The following LYPD6 variants were observed in gnomAD, a reference collection of about 807,000 sequenced individuals.
The protein encoded by LYPD6 is LY6/PLAUR domain containing 6, also known as ly6/PLAUR domain-containing protein 6.
LYPD6 carries 15 observed loss-of-function variants against 22.7 expected under a neutral mutation model. The observed-to-expected ratio is 0.66, with a 90% CI of 0.44 to 1.02. The LOEUF (loss-of-function observed/expected upper bound fraction) is 1.02, where lower values mean the gene tolerates loss of function less well. Among genes scored for constraint, LYPD6 ranks in the 50% least tolerant of loss-of-function variants. The probability of loss-of-function intolerance (pLI) is 0.00; values close to 1 mark genes in which losing one functional copy is unlikely to be tolerated. For synonymous variants in LYPD6, 72 were observed against 77.5 expected (o/e 0.93, Z 0.37); for missense variants, 189 against 208.4 (o/e 0.91, Z 0.57).
At chr2:149,353,770 T>TA (rs55884409) in intron 1 of LYPD6, among the ~76,000 whole-genome samples, 77 of 148,154 alleles carry the variant, frequency 5.2e-4, no homozygotes, top group African/African-American at 6.9e-4. Flanking sequence ...ATGTGCTCAT[T>TA]AAAAAAAAAA....
chr2:149,478,366 TGG>T (rs964626475), downstream of LYPD6, among the ~76,000 whole-genome samples: 3 of 130,000 alleles, frequency 2.3e-5, no homozygotes, highest in African/African-American at 6.2e-5. Context: ...ATTCACCCTT[TGG>T]TATATAGAGG....
At chr2:149,458,136 C>G (rs569692155) in intron 3 of LYPD6, among the ~76,000 whole-genome samples, 1 of 152,304 alleles carries the variant, frequency 6.6e-6, no homozygotes, top group South Asian at 2.1e-4. Flanking sequence ...TGACTTCATC[C>G]TCAATAGGCT....
At chr2:149,340,533 GC>G (rs1681140038) in intron 1 of LYPD6, among the ~76,000 whole-genome samples, 1 of 152,252 alleles carries the variant, frequency 6.6e-6, no homozygotes, top group Non-Finnish European at 1.5e-5. Context: ...TCCACCAGTT[GC>G]TACCTGTGTG....
chr2:149,339,788 G>A (rs938128698), intron 1 of LYPD6, among the ~76,000 whole-genome samples: 10 of 152,190 alleles, frequency 6.6e-5, no homozygotes, highest in African/African-American at 2.4e-4. Flanking sequence ...ACAAGAGGAT[G>A]CAAAGTAAAA....
chr2:149,462,398 A>G (rs976726751), intron 3 of LYPD6, among the ~76,000 whole-genome samples: 2 of 151,942 alleles, frequency 1.3e-5, no homozygotes, highest in Non-Finnish European at 2.9e-5. Flanking sequence ...GAAAATTATG[A>G]AACGTCAATG....
chr2:149,381,558 A>G (rs894962377), intron 1 of LYPD6, among the ~76,000 whole-genome samples: 1 of 152,220 alleles, frequency 6.6e-6, no homozygotes, highest in African/African-American at 2.4e-5. Flanking sequence ...GGTCACCAAC[A>G]AAGAGTGATG....
At chr2:149,478,184 C>T (rs73966841), downstream of LYPD6, among the ~76,000 whole-genome samples, 1 of 152,106 alleles carries the variant, frequency 6.6e-6, no homozygotes, top group Non-Finnish European at 1.5e-5. Flanking sequence ...ATTTTAAAGA[C>T]AGTGGGACAG....
intron 1 of LYPD6, chr2:149,368,174 T>G (rs1681722827): frequency 6.6e-6 from 1 of 152,208 alleles, no homozygotes; most frequent in Non-Finnish European, 1.5e-5. Context: ...GTATTAGACA[T>G]CACTCAAGGA....
chr2:149,410,448 T>G (rs943593897), intron 1 of LYPD6, among the ~76,000 whole-genome samples: 5 of 152,180 alleles, frequency 3.3e-5, no homozygotes, highest in African/African-American at 1.2e-4. Context: ...TTAGAAATGG[T>G]GGTCTCAGAC....
At position 149,337,027 on chromosome 2, in the gene LYPD6, C is replaced by T. The variant is rs75317573; in HGVS notation, c.-72+6305C>T. On this transcript the variant is annotated intron_variant, in intron 1 of 4. Transcript: ENST00000334166. ...AGAACTAGGAAATGTAAAAAGATTTCGTTTTTACATTCAATGGATTTTACA... is the reference window on the plus strand; with the variant it reads ...AGAACTAGGAAATGTAAAAAGATTTTGTTTTTACATTCAATGGATTTTACA... 3.7e-3 allele frequency among the ~76,000 whole-genome samples: 561 copies of T among 151,388 alleles called. 6 individuals carry two copies. Among genetic ancestry groups the T allele is most frequent in the African/African-American group, 0.013 (530 of 41,260 alleles).
downstream of LYPD6, among the ~76,000 whole-genome samples, chr2:149,478,376 AG>A (rs1443216416): frequency 2.7e-5 from 2 of 73,402 alleles, no homozygotes; most frequent in African/African-American, 6.7e-5. Context: ...TGGTATATAG[AG>A]GTGTGTGTGT....
intron 3 of LYPD6, among the ~76,000 whole-genome samples, chr2:149,458,046 T>C (rs560830310): frequency 3.3e-4 from 50 of 152,292 alleles, no homozygotes; most frequent in Non-Finnish European, 6.8e-4. Flanking sequence ...TTTTAGACAA[T>C]AGCTGCTCTA....
chr2:149,412,515 A>G (rs1036989260), intron 1 of LYPD6, among the ~76,000 whole-genome samples: 5 of 152,000 alleles, frequency 3.3e-5, no homozygotes, highest in Non-Finnish European at 1.5e-5. Flanking sequence ...ATTCTACTCT[A>G]GAGTTCTCGA....
At chr2:149,347,689 A>C (rs1014617151) in intron 1 of LYPD6, among the ~76,000 whole-genome samples, 1 of 152,116 alleles carries the variant, frequency 6.6e-6, no homozygotes, top group Non-Finnish European at 1.5e-5. Flanking sequence ...TTAAGAAACT[A>C]TCTCTTATTG....
At chr2:149,415,376 C>T (rs1033264679) in intron 1 of LYPD6, among the ~76,000 whole-genome samples, 6 of 152,060 alleles carry the variant, frequency 3.9e-5, no homozygotes, top group African/African-American at 1.5e-4. Flanking sequence ...AGGAGGATGG[C>T]TCTTTAGTGT....
At chr2:149,444,583 A>T (rs969998139) in intron 2 of LYPD6, among the ~76,000 whole-genome samples, 1 of 152,180 alleles carries the variant, frequency 6.6e-6, no homozygotes, top group African/African-American at 2.4e-5. Flanking sequence ...ATGATGTTCT[A>T]AATCCTTTTT....
At chr2:149,347,060 C>T (rs569988896) in intron 1 of LYPD6, among the ~76,000 whole-genome samples, 28 of 152,180 alleles carry the variant, frequency 1.8e-4, no homozygotes, top group African/African-American at 6.7e-4. Flanking sequence ...AAGGTGCTGG[C>T]AGGTCTGGTG....
chr2:149,346,687 T>C (rs1437401902), intron 1 of LYPD6, among the ~76,000 whole-genome samples: 1 of 152,142 alleles, frequency 6.6e-6, no homozygotes, highest in Non-Finnish European at 1.5e-5. Flanking sequence ...TAAGTCTCTG[T>C]TATTAAAAAC....
chr2:149,402,755 G>A (rs1237850503), intron 1 of LYPD6, among the ~76,000 whole-genome samples: 1 of 151,460 alleles, frequency 6.6e-6, no homozygotes, highest in Non-Finnish European at 1.5e-5. Flanking sequence ...TATACTTTAA[G>A]TTTTAGGGTA....
Sources: gnomAD v4.1 joint callset for allele counts (sites outside exome capture counted in the v4.1 genomes callset) on GRCh38, gnomAD v4.1.1 for gene constraint, MANE v1.5 for transcripts, NCBI Gene and HGNC (gene_info 2026-07-23, HGNC 2026-07-21) for gene names.